The following ZNF804B variants were observed in gnomAD, a reference collection of about 807,000 sequenced individuals.
The protein encoded by ZNF804B is zinc finger 804B.
In ZNF804B, 80 loss-of-function variants were observed where a neutral mutation model predicts 101.4. The ratio of observed to expected loss-of-function variants is 0.79; its 90% CI spans 0.66 to 0.95. The LOEUF (loss-of-function observed/expected upper bound fraction) is 0.95. ZNF804B is among the 40% of genes least tolerant of loss of function. The pLI is 0.00. For synonymous variants in ZNF804B, 622 were observed against 558.8 expected (o/e 1.11, Z -1.59); for missense variants, 1,673 against 1,561.9 (o/e 1.07, Z -1.20).
At chr7:88,938,842 T>C (rs1793012650) in intron 1 of ZNF804B, among the ~76,000 whole-genome samples, 1 of 152,016 alleles carries the variant, frequency 6.6e-6, no homozygotes, top group South Asian at 2.1e-4. Context: ...AATCTATCAT[T>C]CAAAAATCCT....
chr7:89,009,911 C>G (rs12540717), intron 1 of ZNF804B, among the ~76,000 whole-genome samples: 109,041 of 152,150 alleles, frequency 0.72, 39,370 homozygotes, highest in African/African-American at 0.79. Flanking sequence ...TTCCAAATCC[C>G]ATGGGAGAGA....
intron 1 of ZNF804B, among the ~76,000 whole-genome samples, chr7:89,103,054 T>G (rs912463402): frequency 7.3e-5 from 3 of 41,022 alleles, no homozygotes; most frequent in Admixed American, 2.0e-4. Flanking sequence ...GTCTGTTTTT[T>G]TTTTTTTTTT....
chr7:88,790,021 T>C (rs1307584471), intron 1 of ZNF804B, among the ~76,000 whole-genome samples: 1 of 152,094 alleles, frequency 6.6e-6, no homozygotes, highest in Non-Finnish European at 1.5e-5. Flanking sequence ...ATGTCAACTC[T>C]GAAACAAGCA....
intron 1 of ZNF804B, among the ~76,000 whole-genome samples, chr7:89,184,063 T>C (rs184195403): frequency 1.7e-4 from 26 of 152,256 alleles, no homozygotes; most frequent in Middle Eastern, 3.4e-3. Context: ...GGAGGCCGGC[T>C]CCAAATTAAA....
At chr7:89,141,349 T>G (rs996567795) in intron 1 of ZNF804B, among the ~76,000 whole-genome samples, 5 of 152,090 alleles carry the variant, frequency 3.3e-5, no homozygotes, top group Non-Finnish European at 5.9e-5. Context: ...GCCACAGATA[T>G]TCCATTTGTT....
intron 1 of ZNF804B, among the ~76,000 whole-genome samples, chr7:88,815,688 G>C (rs1321192880): frequency 1.3e-5 from 2 of 151,828 alleles, no homozygotes; most frequent in Admixed American, 6.6e-5. Flanking sequence ...CCACCCACTG[G>C]ATAACACTTT....
chr7:89,185,724 G>A (rs1788366141), intron 1 of ZNF804B, among the ~76,000 whole-genome samples: 1 of 151,962 alleles, frequency 6.6e-6, no homozygotes, highest in Admixed American at 6.6e-5. Flanking sequence ...GCCAGATGTG[G>A]TGGCTTCTGC....
chr7:89,082,542 G>C (rs1162958991), intron 1 of ZNF804B, among the ~76,000 whole-genome samples: 1 of 151,598 alleles, frequency 6.6e-6, no homozygotes, highest in South Asian at 2.1e-4. Flanking sequence ...ATATTACACA[G>C]TTTGTTGCAT....
At chr7:89,055,862 G>A (rs1304518378) in intron 1 of ZNF804B, among the ~76,000 whole-genome samples, 1 of 152,070 alleles carries the variant, frequency 6.6e-6, no homozygotes, top group Non-Finnish European at 1.5e-5. Context: ...GTAATTTCTT[G>A]GCGCTGCTCT....
At chr7:88,835,490 G>C (rs1043209975) in intron 1 of ZNF804B, among the ~76,000 whole-genome samples, 7 of 151,826 alleles carry the variant, frequency 4.6e-5, no homozygotes, top group Non-Finnish European at 7.4e-5. Flanking sequence ...AATGGACAAA[G>C]AACCCCACTG....
chr7:88,854,414 C>CCTTCCTTTCTTTCTTCCTTT (rs1232481883), intron 1 of ZNF804B, among the ~76,000 whole-genome samples: 1 of 57,114 alleles, frequency 1.8e-5, no homozygotes, highest in African/African-American at 6.3e-5. Flanking sequence ...TTTCTTTCTT[C>CCTTCCTTTCTTTCTTCCTTT]CTTTCTTTCT....
chr7:89,006,311 A>G (rs1788368281), intron 1 of ZNF804B, among the ~76,000 whole-genome samples: 1 of 152,072 alleles, frequency 6.6e-6, no homozygotes, highest in Non-Finnish European at 1.5e-5. Flanking sequence ...ATGTATTTGG[A>G]AGGTAATAAC....
chr7:89,063,711 T>A (rs1041305899), intron 1 of ZNF804B, among the ~76,000 whole-genome samples: 1 of 152,200 alleles, frequency 6.6e-6, no homozygotes, highest in East Asian at 1.9e-4. Flanking sequence ...ACTAAAATTG[T>A]CTGCATCAGT....
At chr7:89,025,535 C>T (rs906442890) in intron 1 of ZNF804B, among the ~76,000 whole-genome samples, 11 of 152,032 alleles carry the variant, frequency 7.2e-5, no homozygotes, top group South Asian at 6.2e-4. Flanking sequence ...ATACTATAAA[C>T]GTCCCAGAAA....
intron 1 of ZNF804B, among the ~76,000 whole-genome samples, chr7:88,932,161 T>C (rs1002312792): frequency 1.3e-5 from 2 of 151,820 alleles, no homozygotes; most frequent in Admixed American, 1.3e-4. Context: ...ACAAAATGGG[T>C]ATGAGCTAAG....
At chr7:88,843,110 G>A (rs1562808994) in intron 1 of ZNF804B, among the ~76,000 whole-genome samples, 2 of 152,142 alleles carry the variant, frequency 1.3e-5, no homozygotes, top group African/African-American at 2.4e-5. Flanking sequence ...ATGCTTTGTA[G>A]TAGAAAGTAT....
chr7:89,222,609 C>G (rs752998652), intron 2 of ZNF804B, among the ~76,000 whole-genome samples: 1 of 151,922 alleles, frequency 6.6e-6, no homozygotes, highest in Non-Finnish European at 1.5e-5. Flanking sequence ...ACAGTTTCTT[C>G]AAACATGTCT....
At chr7:89,011,989 G>T (rs559266714) in intron 1 of ZNF804B, among the ~76,000 whole-genome samples, 7 of 152,160 alleles carry the variant, frequency 4.6e-5, no homozygotes, top group South Asian at 2.1e-4. Context: ...TACCCCTGCA[G>T]CAAACTTCTG....
intron 1 of ZNF804B, among the ~76,000 whole-genome samples, chr7:89,034,673 C>G (rs1788896921): frequency 6.6e-6 from 1 of 152,044 alleles, no homozygotes; most frequent in South Asian, 2.1e-4. Flanking sequence ...GGGTTGGTTC[C>G]AAGTCTTTGC....
Sources: allele counts gnomAD v4.1 joint callset (sites outside exome capture counted in the v4.1 genomes callset), GRCh38; gene constraint gnomAD v4.1.1; transcripts MANE v1.5; gene names NCBI Gene and HGNC (gene_info 2026-07-23, HGNC 2026-07-21).